The following CDK18 variants were observed in gnomAD, a reference collection of about 807,000 sequenced individuals.
The protein encoded by CDK18 is cyclin-dependent kinase 18.
A neutral mutation model predicts 62.0 loss-of-function variants in CDK18; 52 were observed. That is an observed-to-expected ratio of 0.84 (90% CI 0.67 to 1.06). The LOEUF is 1.06. Ranked by LOEUF, CDK18 falls within the 50% of genes least tolerant of loss-of-function variation. CDK18 has a pLI of 0.00. For missense variants in CDK18, 604 were observed against 619.9 expected (o/e 0.97, Z 0.27); for synonymous variants, 237 against 247.0 (o/e 0.96, Z 0.38).
rs1478201973 is a variant in CDK18 at position 205,511,995 on chromosome 1, A to C, written c.-22+7199A>C. Among the ~76,000 whole-genome samples, 5 of 152,298 alleles carry C rather than the reference A, an allele frequency of 3.3e-5. No individual in the cohort carries two copies. The East Asian group carries it at 9.6e-4, about 29-fold the overall frequency. On this transcript the variant is annotated intron_variant, in intron 1 of 15. Transcript: ENST00000429964. ...CTTGAACCCGGGAGACAGAAGTTGC[A>C]CTGAGCCAAGATCACGCCACTGCAC...
chr1:205,512,688 CT>C (rs1008179855), intron 1 of CDK18, among the ~76,000 whole-genome samples: 1 of 152,128 alleles, frequency 6.6e-6, no homozygotes, highest in Non-Finnish European at 1.5e-5. Flanking sequence ...CATGAAGCTG[CT>C]TTTTTTAAGC....
chr1:205,526,437 C>T lies in CDK18; in HGVS notation c.642C>T (p.Ser214=). The T allele has an allele frequency of 6.2e-7, 1 of 1,613,898 alleles. No individual in the cohort carries two copies. The highest frequency in any genetic ancestry group is 8.5e-7 in the Non-Finnish European group (1 of 1,179,758). Residue 214 remains serine (S), a synonymous_variant, in exon 7 of 16, where the codon TCC becomes TCT. Coordinates refer to ENST00000429964, the MANE Select transcript of CDK18 (RefSeq NM_212502.3). ...ATGACCTCATCCACACAGATCGGTC[C>T]CTCACCCTGGTGTTTGAGTACCTGG... The part of the protein sequence containing the change: ...TLHDLIHTDR[S]LTLVFEYLDS...
chr1:205,524,394 T>G (rs758662562), intron 4 of CDK18, 37 bp downstream of exon 4: 1 of 1,612,334 alleles, frequency 6.2e-7, no homozygotes. Context: ...CAAGGTGGGG[T>G]GATATGCCCT....
In CDK18 at chr1:205,531,609, G is replaced by C. The variant is rs1668741848; in HGVS notation, c.*231G>C. 1 of 551,016 alleles carries C rather than the reference G, an allele frequency of 1.8e-6. No homozygotes were observed. The highest frequency in any genetic ancestry group is 1.9e-5 in the African/African-American group (1 of 52,504). 34.1% of individuals were successfully genotyped at this position (551,016 alleles called of 1,614,324 possible). A position where few individuals can be genotyped will look rare whatever the true frequency, so the allele number is the denominator to read the frequency against. ...CCCCTCCTTTACCCACGTTGGGGCT[G>C]GCATAAGCTGCTTCCCTGAGAGGAC... On this transcript the variant is annotated 3_prime_UTR_variant, in exon 16 of 16. Transcript: ENST00000429964.
In CDK18 at chr1:205,526,335, C is replaced by G. The variant is rs771386448; in HGVS notation, c.572-32C>G. Reference sequence around the variant, plus strand: ...AGAGGGTATGGGGACACATGGGGTCCTAGGGACCCAGGTGGATCTGTCTCC... The same window carrying G: ...AGAGGGTATGGGGACACATGGGGTCGTAGGGACCCAGGTGGATCTGTCTCC... On this transcript the variant is annotated intron_variant, in intron 6 of 15. Transcript: ENST00000429964. 4 of 1,584,262 alleles carry G rather than the reference C, an allele frequency of 2.5e-6. No homozygotes were observed. In the South Asian group the frequency reaches 4.4e-5, roughly 17 times the overall value.
At chr1:205,508,063 C>T (rs947102828) in intron 1 of CDK18, among the ~76,000 whole-genome samples, 2 of 152,230 alleles carry the variant, frequency 1.3e-5, no homozygotes, top group Non-Finnish European at 2.9e-5. Flanking sequence ...GGACCCTCCC[C>T]TGGTACTTAA....
At position 205,530,633 on chromosome 1, in the gene CDK18, T is replaced by C. The variant is rs935905848; in HGVS notation, c.1318T>C (p.Ser440Pro). The C allele has an allele frequency of 6.2e-7, 1 of 1,613,830 alleles. No individual in the cohort carries two copies. The highest frequency in any genetic ancestry group is 8.5e-7 in the Non-Finnish European group (1 of 1,179,938). The part of the protein sequence containing the change: ...ERVHQLEDTA[S>P]IFSLKEIQLQ... Reference sequence around the variant, plus strand: ...TATGCACTTCTCTCCCCCAGCTGCCTCCATCTTCTCCCTGAAGGAGATCCA... The same window carrying C: ...TATGCACTTCTCTCCCCCAGCTGCCCCCATCTTCTCCCTGAAGGAGATCCA... The change falls in exon 15 of 16, where the codon TCC becomes CCC. Residue 440 changes from serine to proline, a missense_variant. By Grantham distance (74) the Ser-to-Pro change is moderately conservative. Transcript: ENST00000429964.
chr1:205,529,625 A>G, intron 13 of CDK18, 62 bp downstream of exon 13: 2 of 1,612,294 alleles, frequency 1.2e-6, no homozygotes, highest in Non-Finnish European at 1.7e-6. Flanking sequence ...CCTGTGCCCC[A>G]TGCCGGGCCT....
At chr1:205,526,692 G>A (rs896693305) in intron 7 of CDK18, 83 bp from the exon 8 acceptor site, 3 of 1,337,414 alleles carry the variant, frequency 2.2e-6, no homozygotes, top group Non-Finnish European at 3.2e-6. Flanking sequence ...TTCCCAGGGA[G>A]GGGCTTCCTC....
rs1668764771 is a variant in CDK18, at chr1:205,532,137, G to C, written c.*759G>C. On this transcript the variant is annotated 3_prime_UTR_variant, in exon 16 of 16. Transcript: ENST00000429964. ...TGCCACCTCAGCCAGCCCCCGCCCA[G>C]CTCATCAGTCTGAATGGAGTTGCCT... 6.5e-6 allele frequency: 1 copy of C among 152,898 alleles called. No homozygotes were observed. The highest frequency in any genetic ancestry group is 1.5e-5 in the Non-Finnish European group (1 of 68,302). The allele number at this position is 152,898 out of a possible 1,614,324, so 9.5% of individuals were successfully genotyped here. A position where few individuals can be genotyped will look rare whatever the true frequency, so the allele number is the denominator to read the frequency against.
intron 1 of CDK18, among the ~76,000 whole-genome samples, chr1:205,519,424 T>C (rs1029633347): frequency 6.7e-6 from 1 of 149,926 alleles, no homozygotes; most frequent in Non-Finnish European, 1.5e-5. Context: ...TGCTCCCCTG[T>C]CACCATCAGG....
intron 1 of CDK18, among the ~76,000 whole-genome samples, chr1:205,515,123 C>G (rs1667754943): frequency 6.6e-6 from 1 of 151,194 alleles, no homozygotes; most frequent in Non-Finnish European, 1.5e-5. Flanking sequence ...CCTGGTCTGC[C>G]AGGCCCTGGA....
In CDK18 at chr1:205,523,212, G is replaced by C; in HGVS notation, c.45G>C (p.Leu15=). The C allele has an allele frequency of 3.1e-6, 5 of 1,613,946 alleles. No homozygotes were observed. Among genetic ancestry groups the C allele is most frequent in the Non-Finnish European group, 4.2e-6 (5 of 1,179,886 alleles). The change falls in exon 2 of 16, where the codon CTG becomes CTC. Residue 15 remains leucine (L), a synonymous_variant. Transcript: ENST00000429964. ...AGAACTTTAAGCGCCGTTTCTCCCT[G>C]TCAGTGCCCCGCACTGAGACCATTG... ...KMKNFKRRFS[L]SVPRTETIEE...
At chr1:205,510,435 G>T (rs1397797602) in intron 1 of CDK18, among the ~76,000 whole-genome samples, 2 of 152,202 alleles carry the variant, frequency 1.3e-5, no homozygotes, top group African/African-American at 4.8e-5. Flanking sequence ...CCTGCAACAT[G>T]GGATGAGCCC....
intron 1 of CDK18, among the ~76,000 whole-genome samples, chr1:205,506,055 G>C (rs191324704): frequency 1.3e-5 from 2 of 152,206 alleles, no homozygotes; most frequent in Non-Finnish European, 2.9e-5. Flanking sequence ...GCACATTCCT[G>C]GACACGGGCC....
In CDK18 at chr1:205,527,542, C is replaced by A; in HGVS notation, c.730-252C>A. On this transcript the variant is annotated intron_variant, in intron 8 of 15. Coordinates refer to ENST00000429964, the MANE Select transcript of CDK18 (RefSeq NM_212502.3). This position sits in a 1 kb window ranked among gnomAD's most constrained non-coding sequence, Gnocchi z 4.1. ...GTCTCCACATAGGCGGGCATCCTGA[C>A]CCCCGTGCTCCTGACTGAGACTTCG... 2.1e-6 allele frequency: 1 copy of A among 480,476 alleles called. No homozygotes were observed. The highest frequency in any genetic ancestry group is 2.9e-5 in the South Asian group (1 of 34,674). 29.8% of individuals were successfully genotyped at this position (480,476 alleles called of 1,614,324 possible). A position where few individuals can be genotyped will look rare whatever the true frequency, so the allele number is the denominator to read the frequency against.
chr1:205,514,809 G>T (rs1667737579), intron 1 of CDK18, among the ~76,000 whole-genome samples: 1 of 152,168 alleles, frequency 6.6e-6, no homozygotes, highest in African/African-American at 2.4e-5. Context: ...TTGTCCTGAA[G>T]GATCTCACAG....
intron 11 of CDK18, 111 bp downstream of exon 11, chr1:205,529,207 G>C: frequency 3.0e-6 from 4 of 1,340,934 alleles, no homozygotes; most frequent in South Asian, 1.3e-5. Context: ...TCTCCCGGGC[G>C]GGGACCCCCT....
At chr1:205,514,958 G>C (rs137973405) in intron 1 of CDK18, among the ~76,000 whole-genome samples, 30 of 152,104 alleles carry the variant, frequency 2.0e-4, no homozygotes, top group Non-Finnish European at 3.8e-4. Flanking sequence ...TGGTTTTACC[G>C]AGGGAAAAAT....
Sources: allele counts gnomAD v4.1 joint callset (sites outside exome capture counted in the v4.1 genomes callset), GRCh38; gene constraint gnomAD v4.1.1; non-coding constraint Gnocchi (gnomAD v3.1); transcripts MANE v1.5; gene names NCBI Gene and HGNC (gene_info 2026-07-23, HGNC 2026-07-21).